The following GPC3 variants were observed in gnomAD, a reference collection of about 807,000 sequenced individuals.
GPC3 encodes glypican 3, also known as glypican-3.
GPC3 carries 3 observed loss-of-function variants against 34.4 expected under a neutral mutation model. That is an observed-to-expected ratio of 0.09 (90% confidence interval 0.04 to 0.23). The LOEUF (loss-of-function observed/expected upper bound fraction) is 0.23. GPC3 is among the 10% of genes least tolerant of loss of function. GPC3 has a pLI of 1.00. For missense variants in GPC3, 351 were observed against 445.6 expected (o/e 0.79, Z 1.91); for synonymous variants, 177 against 174.0 (o/e 1.02, Z -0.13).
At position 133,622,100 on chromosome X, in the gene GPC3, A is replaced by G. The variant is rs769642335; in HGVS notation, c.1414-25501T>C. On this transcript the variant is annotated intron_variant, in intron 6 of 7. Coordinates refer to ENST00000370818, the MANE Select transcript of GPC3 (RefSeq NM_004484.4). ...CCTGCAGCTGAGGTTTCTGACTGTTAGAAGGAAAACTCACAAACAGAAAGG... is the reference window on the plus strand; with the variant it reads ...CCTGCAGCTGAGGTTTCTGACTGTTGGAAGGAAAACTCACAAACAGAAAGG... Among the ~76,000 whole-genome samples the G allele has an allele frequency of 7.1e-5, 8 of 112,412 alleles. No individual in the cohort carries two copies. The East Asian group carries it at 2.2e-3, about 32-fold the overall frequency.
intron 2 of GPC3, among the ~76,000 whole-genome samples, chrX:133,946,014 C>T (rs1055790559): frequency 2.7e-5 from 3 of 111,705 alleles, no homozygotes; most frequent in African/African-American, 9.8e-5. Flanking sequence ...TGCCTTGCAC[C>T]CAAGTTATTT....
chrX:133,815,776 C>T (rs2075688718), intron 2 of GPC3, among the ~76,000 whole-genome samples: 1 of 111,709 alleles, frequency 9.0e-6, no homozygotes. Context: ...GCCTTGTTTG[C>T]ATGACGTTCT....
chrX:133,726,727 AAAAACAAAAC>A (rs757816186), intron 3 of GPC3, among the ~76,000 whole-genome samples: 2 of 111,403 alleles, frequency 1.8e-5, no homozygotes, highest in Admixed American at 9.5e-5. Context: ...CATTTCTCCA[AAAAACAAAAC>A]AAAACAAAAC....
chrX:133,649,074 G>A (rs2070571415), intron 6 of GPC3, among the ~76,000 whole-genome samples: 2 of 111,397 alleles, frequency 1.8e-5, no homozygotes, highest in African/African-American at 6.5e-5. Context: ...CCTATGCTCA[G>A]TGCTTGGCAC....
At chrX:133,958,753 G>A (rs1602562547) in intron 1 of GPC3, among the ~76,000 whole-genome samples, 1 of 104,926 alleles carries the variant, frequency 9.5e-6, no homozygotes, top group South Asian at 4.5e-4. Context: ...GGCAATGATG[G>A]CACACACCTG....
At chrX:133,661,560 ATCTCTCTTTCTCTCTCTCTC>A (rs2070717270) in intron 6 of GPC3, among the ~76,000 whole-genome samples, 150 bp downstream of exon 6, 2 of 60,651 alleles carry the variant, frequency 3.3e-5, no homozygotes, top group Admixed American at 2.4e-4. Flanking sequence ...AGCTGGCTAT[ATCTCTCTTTCTCTCTCTCTC>A]TCTCTCTCTC....
intron 2 of GPC3, among the ~76,000 whole-genome samples, chrX:133,861,332 G>A (rs1187530397): frequency 9.1e-6 from 1 of 110,410 alleles, no homozygotes; most frequent in African/African-American, 3.3e-5. Context: ...GAATGAAACT[G>A]ACTCAGGAGT....
chrX:133,577,320 G>T (rs774760363), intron 7 of GPC3, among the ~76,000 whole-genome samples: 4 of 112,269 alleles, frequency 3.6e-5, no homozygotes, highest in South Asian at 7.5e-4. Context: ...ATGAGAAAGC[G>T]CTTTGCAAAG....
intron 2 of GPC3, among the ~76,000 whole-genome samples, chrX:133,852,986 A>G (rs1382572991): frequency 2.9e-5 from 1 of 33,971 alleles, no homozygotes; most frequent in Non-Finnish European, 6.8e-5. Flanking sequence ...TTTAAATTCC[A>G]AAAAAAAAAA....
chrX:133,681,611 G>A (rs899222197), intron 5 of GPC3, among the ~76,000 whole-genome samples: 1 of 112,128 alleles, frequency 8.9e-6, no homozygotes, highest in African/African-American at 3.2e-5. Context: ...CCTGTGGCCT[G>A]TGGAACAGAA....
intron 7 of GPC3, among the ~76,000 whole-genome samples, chrX:133,583,358 CT>C (rs1401199574): frequency 1.8e-5 from 2 of 111,490 alleles, no homozygotes; most frequent in Non-Finnish European, 3.8e-5. Context: ...TTCTTACTCT[CT>C]TTTTTTATTA....
chrX:133,918,297 T>C (rs774618340), intron 2 of GPC3, among the ~76,000 whole-genome samples: 1 of 112,218 alleles, frequency 8.9e-6, no homozygotes, highest in East Asian at 2.8e-4. Flanking sequence ...ATTGCCAAAT[T>C]GATTTTGCAT....
At chrX:133,705,875 T>C (rs1034420295) in intron 3 of GPC3, among the ~76,000 whole-genome samples, 1 of 112,588 alleles carries the variant, frequency 8.9e-6, no homozygotes, top group Non-Finnish European at 1.9e-5. Context: ...ATTTAAATTC[T>C]TTGGTCTGCC....
intron 2 of GPC3, among the ~76,000 whole-genome samples, chrX:133,832,849 C>T (rs1390398565): frequency 1.8e-5 from 2 of 112,038 alleles, no homozygotes; most frequent in Non-Finnish European, 3.8e-5. Context: ...TTTATGCGGC[C>T]TTGATTTGTG....
At chrX:133,919,396 T>C (rs1420497541) in intron 2 of GPC3, among the ~76,000 whole-genome samples, 1 of 112,127 alleles carries the variant, frequency 8.9e-6, no homozygotes, top group Non-Finnish European at 1.9e-5. Context: ...TTACCAGAAA[T>C]AATGTAAAAG....
At chrX:133,815,271 A>C (rs2075685024) in intron 2 of GPC3, among the ~76,000 whole-genome samples, 1 of 107,455 alleles carries the variant, frequency 9.3e-6, no homozygotes, top group South Asian at 4.3e-4. Context: ...AATACTCTCC[A>C]TCTCTTTCCT....
At chrX:133,891,377 C>T (rs766430449) in intron 2 of GPC3, among the ~76,000 whole-genome samples, 1 of 111,219 alleles carries the variant, frequency 9.0e-6, no homozygotes, top group Admixed American at 9.6e-5. Context: ...GTGATAGCTA[C>T]AAAATTTTGT....
intron 6 of GPC3, among the ~76,000 whole-genome samples, chrX:133,626,256 C>G (rs1419464184): frequency 9.0e-6 from 1 of 111,665 alleles, no homozygotes; most frequent in Non-Finnish European, 1.9e-5. Flanking sequence ...TAGGCATGGG[C>G]AAGGACTTTA....
intron 6 of GPC3, among the ~76,000 whole-genome samples, chrX:133,648,600 T>A (rs1898797736): frequency 8.9e-6 from 1 of 112,024 alleles, no homozygotes; most frequent in Admixed American, 9.5e-5. Context: ...AAGCCCTTCA[T>A]GGGCTCTGCA....
Sources: gnomAD v4.1 joint callset for allele counts (sites outside exome capture counted in the v4.1 genomes callset) on GRCh38, gnomAD v4.1.1 for gene constraint, MANE v1.5 for transcripts, NCBI Gene and HGNC (gene_info 2026-07-23, HGNC 2026-07-21) for gene names.